Variants in TECPR2 observed in about 807,000 individuals in gnomAD.
TECPR2 encodes the protein tectonin beta-propeller repeat containing 2.
A neutral mutation model predicts 138.1 loss-of-function variants in TECPR2; 65 were observed. The observed-to-expected ratio is 0.47, with a 90% CI of 0.39 to 0.58. TECPR2 has a LOEUF of 0.58. TECPR2 is among the 20% of genes least tolerant of loss of function. TECPR2 has a pLI of 0.00. For missense variants in TECPR2, 1,553 were observed against 1,824.5 expected (o/e 0.85, Z 2.71); for synonymous variants, 746 against 749.8 (o/e 0.99, Z 0.08).
chr14:102,372,874 C>G (rs1887542489), intron 1 of TECPR2, among the ~76,000 whole-genome samples: 1 of 152,004 alleles, frequency 6.6e-6, no homozygotes, highest in Admixed American at 6.5e-5. Context: ...GAGCCAAGAT[C>G]ATGCCACTGC....
At chr14:102,371,838 C>A (rs1302122347) in intron 1 of TECPR2, among the ~76,000 whole-genome samples, 1 of 152,022 alleles carries the variant, frequency 6.6e-6, no homozygotes, top group Non-Finnish European at 1.5e-5. Flanking sequence ...AAATCACATT[C>A]TAGGGGAATA....
intron 8 of TECPR2, among the ~76,000 whole-genome samples, chr14:102,433,214 A>AG (rs1308286653): frequency 1.3e-5 from 2 of 151,364 alleles, no homozygotes; most frequent in African/African-American, 4.9e-5. Flanking sequence ...TTTTAAATAC[A>AG]GGGGGTCCAT....
intron 6 of TECPR2, 33 bp from the exon 7 acceptor site, chr14:102,428,217 T>G (rs1278719899): frequency 8.9e-6 from 13 of 1,466,016 alleles, no homozygotes; most frequent in African/African-American, 1.6e-5. Context: ...AGTTTTGTGT[T>G]TTTTGTTTTT....
intron 2 of TECPR2, among the ~76,000 whole-genome samples, chr14:102,398,369 C>T (rs905207318): frequency 6.6e-6 from 1 of 152,036 alleles, no homozygotes; most frequent in African/African-American, 2.4e-5. Context: ...ATCAAAGAGA[C>T]TAACATGTTT....
At position 102,408,491 on chromosome 14, in the gene TECPR2, C is replaced by A. The variant is rs1216746875; in HGVS notation, c.352C>A (p.Arg118=). The part of the protein sequence containing the change: ...SSLPGRNKQL[R]RFDVTGIHKN... ...TATTTTTATCCCTTGTTCATAGCTTCGGAGATTTGATGTCACTGGTATTCA... is the reference window on the plus strand; with the variant it reads ...TATTTTTATCCCTTGTTCATAGCTTAGGAGATTTGATGTCACTGGTATTCA... Residue 118 remains arginine, a synonymous_variant, in exon 4 of 20, where the codon CGG becomes AGG. Transcript: ENST00000359520. 2 of 1,598,032 alleles carry A rather than the reference C, an allele frequency of 1.3e-6. No homozygotes were observed. The highest frequency in any genetic ancestry group is 1.7e-6 in the Non-Finnish European group (2 of 1,175,588).
Position 102,450,548 on chromosome 14 carries a change from T to G in TECPR2, c.3317-12T>G, listed in dbSNP as rs1247677387. ...CTTTCTTTAACACATTCTTCCTATT[T>G]ACTCTTTCCAGGCACCTACTGGAAT... is the stretch of plus-strand genomic sequence containing the variant. On this transcript the variant is annotated splice_polypyrimidine_tract_variant and intron_variant, in intron 14 of 19. Coordinates refer to ENST00000359520, the MANE Select transcript of TECPR2 (RefSeq NM_014844.5). 3.7e-6 allele frequency: 6 copies of G among 1,613,662 alleles called. No individual in the cohort carries two copies. The highest frequency in any genetic ancestry group is 5.1e-6 in the Non-Finnish European group (6 of 1,179,572).
At position 102,440,512 on chromosome 14, in the gene TECPR2, G is replaced by A. The variant is rs200100396; in HGVS notation, c.2655G>A (p.Arg885=). 6.2e-7 allele frequency: 1 copy of A among 1,614,200 alleles called. No homozygotes were observed. The highest frequency in any genetic ancestry group is 8.5e-7 in the Non-Finnish European group (1 of 1,180,048). ...ACGKVTIKGK[R]HWYEALPQAV... is the part of the protein sequence containing the mutation. Reference sequence around the variant, plus strand: ...GGAAAGTCACCATCAAGGGGAAGCGGCACTGGTACGAAGCCCTGCCCCAGG... The same window carrying A: ...GGAAAGTCACCATCAAGGGGAAGCGACACTGGTACGAAGCCCTGCCCCAGG... The change falls in exon 11 of 20, where the codon CGG becomes CGA. Residue 885 remains arginine, a synonymous_variant. Transcript: ENST00000359520.
At chr14:102,368,302 C>G (rs1412281669) in intron 1 of TECPR2, among the ~76,000 whole-genome samples, 3 of 152,086 alleles carry the variant, frequency 2.0e-5, no homozygotes, top group Non-Finnish European at 4.4e-5. Context: ...AGCCACCGTG[C>G]CTGGCCTTAC....
rs1235591382 is a variant in TECPR2 at position 102,434,645 on chromosome 14, A to G, written c.1828A>G (p.Ser610Gly). ...GTGTCCTGCAGATGATGGACCAAATAGCACACAGTTACCCTTCCAAGAACA... is the reference window on the plus strand; with the variant it reads ...GTGTCCTGCAGATGATGGACCAAATGGCACACAGTTACCCTTCCAAGAACA... ...EPCPADDGPNSTQLPFQEQDS... is the reference protein window; with the variant it reads ...EPCPADDGPNGTQLPFQEQDS... The change falls in exon 9 of 20, where the codon AGC becomes GGC. Residue 610 changes from serine to glycine, a missense_variant. Physicochemically the swap from Ser to Gly is moderately conservative, Grantham distance 56 (BLOSUM62 0). Transcript: ENST00000359520. The G allele has an allele frequency of 6.2e-7, 1 of 1,600,630 alleles. No individual in the cohort carries two copies. Among genetic ancestry groups the G allele is most frequent in the South Asian group, 1.1e-5 (1 of 89,902 alleles).
chr14:102,405,469 T>C (rs1173465900), intron 2 of TECPR2, among the ~76,000 whole-genome samples: 1 of 151,870 alleles, frequency 6.6e-6, no homozygotes, highest in Admixed American at 6.6e-5. Flanking sequence ...GTCAAAACTA[T>C]ACCCCACACC....
At chr14:102,493,790 G>C (rs900441806) in intron 17 of TECPR2, among the ~76,000 whole-genome samples, 6 of 152,202 alleles carry the variant, frequency 3.9e-5, no homozygotes, top group Non-Finnish European at 8.8e-5. Context: ...CACAGGCGCG[G>C]CTCCCTCGGA....
At chr14:102,484,658 A>G (rs1163753318) in intron 17 of TECPR2, among the ~76,000 whole-genome samples, 4 of 151,540 alleles carry the variant, frequency 2.6e-5, no homozygotes, top group Non-Finnish European at 4.4e-5. Context: ...TCCTTAGGAG[A>G]TTTGAACCTT....
At chr14:102,450,352 C>T (rs1324450890) in intron 14 of TECPR2, among the ~76,000 whole-genome samples, 6 of 152,162 alleles carry the variant, frequency 3.9e-5, no homozygotes, top group East Asian at 1.9e-4. Context: ...ATGGCCTCCA[C>T]GACCCTGGAC....
intron 2 of TECPR2, among the ~76,000 whole-genome samples, chr14:102,379,467 C>T (rs991618610): frequency 3.3e-5 from 5 of 151,134 alleles, no homozygotes; most frequent in Non-Finnish European, 5.9e-5. Flanking sequence ...AATCCATGCA[C>T]AGAGGCGTCC....
intron 1 of TECPR2, among the ~76,000 whole-genome samples, chr14:102,373,709 G>C (rs1291304691): frequency 6.6e-6 from 1 of 152,046 alleles, no homozygotes; most frequent in Admixed American, 6.6e-5. Flanking sequence ...TATTATTATT[G>C]TTATTTACTT....
At chr14:102,372,605 G>A (rs577579462) in intron 1 of TECPR2, among the ~76,000 whole-genome samples, 34 of 152,194 alleles carry the variant, frequency 2.2e-4, no homozygotes, top group Non-Finnish European at 3.7e-4. Flanking sequence ...TTTTGAGGCC[G>A]GGCATGGTGG....
chr14:102,491,445 C>T (rs991436683), intron 17 of TECPR2, among the ~76,000 whole-genome samples: 1 of 152,230 alleles, frequency 6.6e-6, no homozygotes, highest in Non-Finnish European at 1.5e-5. Flanking sequence ...AACTCCTTGG[C>T]TCAAGCAGTC....
intron 2 of TECPR2, among the ~76,000 whole-genome samples, chr14:102,383,029 A>G (rs1012860297): frequency 6.6e-6 from 1 of 152,228 alleles, no homozygotes; most frequent in Non-Finnish European, 1.5e-5. Flanking sequence ...AAGTGCTGGG[A>G]TGACAGGCGT....
intron 8 of TECPR2, among the ~76,000 whole-genome samples, chr14:102,433,979 T>C (rs1177713920): frequency 1.3e-5 from 2 of 152,322 alleles, no homozygotes; most frequent in Middle Eastern, 3.4e-3. Context: ...GGAATTGGTT[T>C]GTGACCCAGG....
Sources: gnomAD v4.1 joint callset for allele counts (sites outside exome capture counted in the v4.1 genomes callset) on GRCh38, gnomAD v4.1.1 for gene constraint, MANE v1.5 for transcripts, NCBI Gene and HGNC (gene_info 2026-07-23, HGNC 2026-07-21) for gene names.